The following SNTG2 variants were observed in gnomAD, a reference collection of about 807,000 sequenced individuals.
SNTG2 encodes the protein syntrophin gamma 2.
Under a neutral mutation model 70.9 loss-of-function variants are expected in SNTG2, and 74 were observed. The observed-to-expected ratio is 1.04, with a 90% confidence interval of 0.86 to 1.27. The LOEUF (loss-of-function observed/expected upper bound fraction) is 1.27. Among genes scored for constraint, SNTG2 ranks in the 50% most tolerant of loss-of-function variants. The pLI, the probability that SNTG2 is intolerant of heterozygous loss-of-function variation, is 0.00. For missense variants in SNTG2, 717 were observed against 690.7 expected, an observed-to-expected ratio of 1.04 and a Z score of -0.43; for synonymous variants, 278 against 273.8, an observed-to-expected ratio of 1.02 and a Z score of -0.15.
At chr2:1,338,574 C>G (rs1034178527) in intron 16 of SNTG2, among the ~76,000 whole-genome samples, 2 of 152,128 alleles carry the variant, frequency 1.3e-5, no homozygotes, top group Non-Finnish European at 2.9e-5. Flanking sequence ...TATTGTCTGT[C>G]TCTATGAATT....
intron 1 of SNTG2, among the ~76,000 whole-genome samples, chr2:983,197 AGGT>A (rs1419892149): frequency 1.3e-5 from 2 of 151,500 alleles, no homozygotes; most frequent in African/African-American, 2.4e-5. Context: ...GAAGCTGCAG[AGGT>A]GGTGGTCAGG....
intron 16 of SNTG2, among the ~76,000 whole-genome samples, chr2:1,336,219 C>G (rs539036120): frequency 1.3e-5 from 2 of 152,278 alleles, no homozygotes; most frequent in South Asian, 4.2e-4. Context: ...TGCTTAGTGA[C>G]ACTGAACATT....
At chr2:1,290,323 T>C (rs1679939789) in intron 14 of SNTG2, among the ~76,000 whole-genome samples, 1 of 151,526 alleles carries the variant, frequency 6.6e-6, no homozygotes, top group South Asian at 2.1e-4. Context: ...CATCCTTTTT[T>C]TTTTTTTTTG....
chr2:956,867 G>A (rs1254712248), intron 1 of SNTG2, among the ~76,000 whole-genome samples: 1 of 152,168 alleles, frequency 6.6e-6, no homozygotes, highest in African/African-American at 2.4e-5. Context: ...CAGTTTATTT[G>A]GATTTAAGTA....
chr2:1,298,233 A>G (rs1383436375), intron 14 of SNTG2, among the ~76,000 whole-genome samples: 1 of 151,766 alleles, frequency 6.6e-6, no homozygotes, highest in Non-Finnish European at 1.5e-5. Flanking sequence ...CCCAGGCTCA[A>G]GAGAGTCTCG....
chr2:1,058,332 AT>A (rs921758586), intron 1 of SNTG2, among the ~76,000 whole-genome samples: 13 of 151,682 alleles, frequency 8.6e-5, no homozygotes, highest in Non-Finnish European at 1.3e-4. Flanking sequence ...TAGGCATTGG[AT>A]TTTTTTTTAA....
chr2:1,129,917 G>A (rs571104592), intron 4 of SNTG2, among the ~76,000 whole-genome samples: 350 of 152,220 alleles, frequency 2.3e-3, no homozygotes, highest in African/African-American at 8.1e-3. Flanking sequence ...TAAAATATTT[G>A]AAGGTGGTGT....
intron 9 of SNTG2, 72 bp downstream of exon 9, chr2:1,209,302 T>C: frequency 6.3e-7 from 1 of 1,587,302 alleles, no homozygotes; most frequent in Non-Finnish European, 8.6e-7. Context: ...TACAGGCCGC[T>C]GGTTACTCCA....
chr2:1,238,152 T>C, intron 10 of SNTG2, 135 bp downstream of exon 10: 1 of 1,204,890 alleles, frequency 8.3e-7, no homozygotes, highest in Non-Finnish European at 1.1e-6. Context: ...GTCAAATCTA[T>C]GTCTAAAAAC....
chr2:1,310,981 G>A (rs1223743349), intron 15 of SNTG2, among the ~76,000 whole-genome samples: 3 of 152,210 alleles, frequency 2.0e-5, no homozygotes, highest in African/African-American at 7.2e-5. Flanking sequence ...CTACAGCCTG[G>A]AGTGCCTCCT....
chr2:1,347,026 A>T (rs148668080), intron 16 of SNTG2, among the ~76,000 whole-genome samples: 325 of 152,198 alleles, frequency 2.1e-3, no homozygotes, highest in African/African-American at 7.4e-3. Context: ...AATCTGTTCA[A>T]GGGGATTTAA....
chr2:1,020,029 C>T (rs1418521359), intron 1 of SNTG2, among the ~76,000 whole-genome samples: 8 of 152,176 alleles, frequency 5.3e-5, no homozygotes, highest in African/African-American at 4.8e-5. Context: ...GGGGACAGAG[C>T]GAGACTCCAT....
Position 1,308,495 on chromosome 2 carries a change from C to G in SNTG2, c.1286C>G (p.Ser429Cys). ...CTCAAAATTGATACTTTTTTCTAGT[C>G]CAGAACATACATGTGCAGCTGGCAA... is the stretch of plus-strand genomic sequence containing the variant. The part of the protein sequence containing the change: ...ATFMEVQRTG[S>C]RTYMCSWQGE... The change falls in exon 15 of 17, where the codon TCC (serine) becomes TGC (cysteine). Residue 429 changes from serine (S) to cysteine (C), a missense_variant and splice_region_variant. Transcript: ENST00000308624. The G allele has an allele frequency of 6.4e-7, 1 of 1,550,822 alleles. No individual in the cohort carries two copies. Among genetic ancestry groups the G allele is most frequent in the Non-Finnish European group, 8.7e-7 (1 of 1,146,600 alleles).
At chr2:1,110,657 C>T (rs1666382985) in intron 4 of SNTG2, among the ~76,000 whole-genome samples, 1 of 152,198 alleles carries the variant, frequency 6.6e-6, no homozygotes, top group African/African-American at 2.4e-5. Flanking sequence ...ACAGCACTGC[C>T]TCTCTGGCAT....
At chr2:1,280,580 G>T (rs998683319) in intron 14 of SNTG2, among the ~76,000 whole-genome samples, 2 of 152,196 alleles carry the variant, frequency 1.3e-5, no homozygotes, top group Non-Finnish European at 2.9e-5. Context: ...AAGGTCAGAG[G>T]CTCCTGGGAC....
chr2:1,162,034 A>G (rs533143780), intron 6 of SNTG2, among the ~76,000 whole-genome samples: 12 of 134,196 alleles, frequency 8.9e-5, no homozygotes, highest in South Asian at 2.4e-4. Context: ...AGATGGCGCC[A>G]CTGCACTCCA....
intron 1 of SNTG2, among the ~76,000 whole-genome samples, chr2:974,389 G>A: frequency 6.6e-6 from 1 of 152,306 alleles, no homozygotes; most frequent in South Asian, 2.1e-4. Flanking sequence ...CCCGTTACCT[G>A]GCCGTGGTAA....
chr2:1,028,738 CTTTT>C (rs71392557), intron 1 of SNTG2, among the ~76,000 whole-genome samples: 1 of 145,128 alleles, frequency 6.9e-6, no homozygotes, highest in Non-Finnish European at 1.5e-5. Context: ...AGGCAACCTC[CTTTT>C]TTTTTTTTTT....
At chr2:1,196,610 A>C (rs935742965) in intron 8 of SNTG2, among the ~76,000 whole-genome samples, 4 of 152,178 alleles carry the variant, frequency 2.6e-5, no homozygotes, top group African/African-American at 9.7e-5. Context: ...TAAAAAGAGA[A>C]TTCTGAAAAC....
Sources: allele counts gnomAD v4.1 joint callset (sites outside exome capture counted in the v4.1 genomes callset), GRCh38; gene constraint gnomAD v4.1.1; transcripts MANE v1.5; gene names NCBI Gene and HGNC (gene_info 2026-07-23, HGNC 2026-07-21).